RPN2: variants seen among roughly 807,000 people sequenced by gnomAD.
RPN2 encodes ribophorin II.
Under a neutral mutation model 71.4 loss-of-function variants are expected in RPN2, and 29 were observed. That is an observed-to-expected ratio of 0.41 (90% CI 0.30 to 0.55). The LOEUF is 0.55. Among genes scored for constraint, RPN2 ranks in the 20% least tolerant of loss-of-function variants. The pLI is 0.35. For synonymous variants in RPN2, 308 were observed against 305.0 expected (o/e 1.01, Z -0.10); for missense variants, 726 against 774.1 (o/e 0.94, Z 0.74).
chr20:37,215,048 C>G (rs6017537), intron 9 of RPN2, among the ~76,000 whole-genome samples: 18 of 152,174 alleles, frequency 1.2e-4, no homozygotes, highest in African/African-American at 4.3e-4. Flanking sequence ...TTTATCATAA[C>G]ATGTTTATAA....
At chr20:37,239,664 C>T (rs1445931806) in intron 16 of RPN2, among the ~76,000 whole-genome samples, 3 of 152,028 alleles carry the variant, frequency 2.0e-5, no homozygotes, top group Admixed American at 2.0e-4. Flanking sequence ...TTTTAGTGTA[C>T]AATTCTGTGA....
intron 2 of RPN2, among the ~76,000 whole-genome samples, chr20:37,186,711 T>G (rs535776658): frequency 6.6e-6 from 1 of 152,332 alleles, no homozygotes; most frequent in South Asian, 2.1e-4. Flanking sequence ...TAAATCAGGA[T>G]CTAAAGAAGG....
chr20:37,208,142 C>T (rs896818906), intron 7 of RPN2, among the ~76,000 whole-genome samples: 1 of 151,912 alleles, frequency 6.6e-6, no homozygotes, highest in Non-Finnish European at 1.5e-5. Flanking sequence ...TGGTGGTGCG[C>T]ACCTGTAGTC....
rs368786437 is a variant in RPN2, at chr20:37,210,182, T to C, written c.986+17T>C. On this transcript the variant is annotated intron_variant, in intron 8 of 16. Transcript: ENST00000237530. ...CCCTGTAGGGTAAGTCCTGATCATA[T>C]TTTGGTGGGGCGCTGACCTCTTTGT... 1 of 1,613,506 alleles carries C rather than the reference T, an allele frequency of 6.2e-7. No homozygotes were observed. Among genetic ancestry groups the C allele is most frequent in the Admixed American group, 1.7e-5 (1 of 60,030 alleles).
intron 9 of RPN2, among the ~76,000 whole-genome samples, chr20:37,221,844 C>A (rs2067967086): frequency 6.6e-6 from 1 of 152,268 alleles, no homozygotes; most frequent in Admixed American, 6.5e-5. Flanking sequence ...CCATTTGGGG[C>A]CACCCATGGG....
intron 9 of RPN2, among the ~76,000 whole-genome samples, chr20:37,218,667 A>G (rs1387866821): frequency 2.0e-5 from 3 of 151,686 alleles, no homozygotes; most frequent in Non-Finnish European, 4.4e-5. Flanking sequence ...GAGCAATGCT[A>G]TATCTTTTAG....
chr20:37,212,746 G>A (rs2067705227), intron 8 of RPN2, among the ~76,000 whole-genome samples: 1 of 152,108 alleles, frequency 6.6e-6, no homozygotes, highest in Admixed American at 6.5e-5. Context: ...CTCCGAAAGG[G>A]CCAGGATTAC....
chr20:37,219,092 A>G (rs2067890206), intron 9 of RPN2, among the ~76,000 whole-genome samples: 1 of 152,224 alleles, frequency 6.6e-6, no homozygotes, highest in East Asian at 1.9e-4. Flanking sequence ...TTTTCAAGAA[A>G]CTAACAAGTT....
intron 16 of RPN2, among the ~76,000 whole-genome samples, chr20:37,239,651 C>A (rs2068498599): frequency 6.6e-6 from 1 of 152,002 alleles, no homozygotes; most frequent in South Asian, 2.1e-4. Flanking sequence ...AAAAATGTAC[C>A]CTTTTTAGTG....
At chr20:37,189,311 C>CTGTGTGTG (rs748314418) in intron 2 of RPN2, among the ~76,000 whole-genome samples, 4 of 115,186 alleles carry the variant, frequency 3.5e-5, no homozygotes, top group African/African-American at 1.4e-4. Context: ...ATGGGCCAAA[C>CTGTGTGTG]TGTGTGTGTG....
chr20:37,215,640 CT>C (rs1265500662), intron 9 of RPN2, among the ~76,000 whole-genome samples: 2 of 151,932 alleles, frequency 1.3e-5, no homozygotes, highest in Non-Finnish European at 2.9e-5. Flanking sequence ...TCACTTCTAC[CT>C]TCTAGTCAGT....
At chr20:37,211,900 G>A (rs1411145815) in intron 8 of RPN2, among the ~76,000 whole-genome samples, 1 of 151,854 alleles carries the variant, frequency 6.6e-6, no homozygotes, top group Non-Finnish European at 1.5e-5. Flanking sequence ...ACCATGCCCG[G>A]CTAATTTTCG....
chr20:37,236,768 G>T, intron 16 of RPN2, 59 bp downstream of exon 16: 1 of 1,572,172 alleles, frequency 6.4e-7, no homozygotes. Flanking sequence ...AGCTCTGCCG[G>T]CCTAGCTCTT....
chr20:37,200,666 ATATTCACAT>A (rs2067367527), intron 4 of RPN2, among the ~76,000 whole-genome samples: 1 of 152,006 alleles, frequency 6.6e-6, no homozygotes, highest in Non-Finnish European at 1.5e-5. Flanking sequence ...CACCCTCCCT[ATATTCACAT>A]GGTCAATCAT....
chr20:37,234,216 C>A, intron 15 of RPN2, 121 bp downstream of exon 15: 1 of 958,910 alleles, frequency 1.0e-6, no homozygotes. Flanking sequence ...CATTACATTT[C>A]CCTCTTCCTC....
chr20:37,195,736 C>T (rs1008189121), intron 2 of RPN2, among the ~76,000 whole-genome samples: 3 of 152,090 alleles, frequency 2.0e-5, no homozygotes, highest in African/African-American at 4.8e-5. Context: ...CACCAGATGG[C>T]GACAAAGCAC....
At chr20:37,215,879 G>A (rs1432154154) in intron 9 of RPN2, among the ~76,000 whole-genome samples, 1 of 152,090 alleles carries the variant, frequency 6.6e-6, no homozygotes, top group East Asian at 1.9e-4. Flanking sequence ...CCTTTCCAGT[G>A]AATTGTTTTA....
At position 37,230,007 on chromosome 20, in the gene RPN2, C is replaced by A; in HGVS notation, c.1529C>A (p.Ala510Asp). 1 of 1,614,182 alleles carries A rather than the reference C, an allele frequency of 6.2e-7. No individual in the cohort carries two copies. The highest frequency in any genetic ancestry group is 2.2e-5 in the East Asian group (1 of 44,884). Residue 510 changes from alanine to aspartate, a missense_variant, in exon 13 of 17, where the codon GCT (alanine) becomes GAT (aspartate). Coordinates refer to ENST00000237530, the MANE Select transcript of RPN2 (RefSeq NM_002951.5). ...GTCATCAAGTTCCCTGAGGAAGAAG[C>A]TCCCTCGACTGTCTTGTCCCAGAAC... ...DVVIKFPEEE[A>D]PSTVLSQNLF...
intron 14 of RPN2, 56 bp downstream of exon 14, chr20:37,232,447 G>A: frequency 6.3e-7 from 1 of 1,593,774 alleles, no homozygotes; most frequent in Non-Finnish European, 8.6e-7. Context: ...CCCAGCAGAT[G>A]CATTCCTTCC....
Sources: gnomAD v4.1 joint callset for allele counts (sites outside exome capture counted in the v4.1 genomes callset) on GRCh38, gnomAD v4.1.1 for gene constraint, MANE v1.5 for transcripts, NCBI Gene and HGNC (gene_info 2026-07-23, HGNC 2026-07-21) for gene names.